Variants in EHMT1 observed in about 807,000 individuals in gnomAD.
EHMT1 encodes euchromatic histone lysine methyltransferase 1.
A neutral mutation model predicts 147.2 loss-of-function variants in EHMT1; 15 were observed. The ratio of observed to expected loss-of-function variants is 0.10; its 90% CI spans 0.07 to 0.16. The LOEUF is 0.16. Ranked by LOEUF, EHMT1 falls within the 10% of genes least tolerant of loss-of-function variation. The pLI, the probability that EHMT1 is intolerant of heterozygous loss-of-function variation, is 1.00. For missense variants in EHMT1, 1,587 were observed against 1,772.4 expected (o/e 0.90, Z 1.88); for synonymous variants, 795 against 709.6 (o/e 1.12, Z -1.91).
intron 1 of EHMT1, among the ~76,000 whole-genome samples, chr9:137,668,196 C>G (rs1939902056): frequency 6.6e-6 from 1 of 152,202 alleles, no homozygotes; most frequent in African/African-American, 2.4e-5. Flanking sequence ...TGGGCGCCAG[C>G]TGTCTACTCC....
At chr9:137,796,966 G>A (rs1237951852) in intron 16 of EHMT1, among the ~76,000 whole-genome samples, 1 of 152,264 alleles carries the variant, frequency 6.6e-6, no homozygotes, top group Non-Finnish European at 1.5e-5. Context: ...CCTCACACCA[G>A]TAGGGTCTGT....
chr9:137,830,693 C>T lies in EHMT1; in HGVS notation c.3541-3656C>T, dbSNP rs979024388. On this transcript the variant is annotated intron_variant, in intron 25 of 26. Transcript: ENST00000460843. ...AAGCTGGGCCCAGTCTTGTGCTTCG[C>T]GGCACCAGAAATGTTGCTTGTGTGA... Among the ~76,000 whole-genome samples the T allele has an allele frequency of 3.4e-4, 51 of 152,176 alleles. 1 individual carries two copies. Among genetic ancestry groups the T allele is most frequent in the African/African-American group, 9.9e-4 (41 of 41,440 alleles).
chr9:137,665,005 A>G (rs1939476448), intron 1 of EHMT1: 1 of 152,166 alleles, frequency 6.6e-6, no homozygotes, highest in Non-Finnish European at 1.5e-5. Context: ...TGGACCACCC[A>G]CTTTGCAACT....
intron 1 of EHMT1, chr9:137,676,590 G>A (rs1439305624): frequency 6.6e-6 from 1 of 152,440 alleles, no homozygotes; most frequent in Non-Finnish European, 1.5e-5. Context: ...TGCCTAGGCA[G>A]ATAAAAAGGA....
chr9:137,703,492 A>G (rs886671321), intron 1 of EHMT1, among the ~76,000 whole-genome samples: 2 of 152,180 alleles, frequency 1.3e-5, no homozygotes, highest in Non-Finnish European at 2.9e-5. Context: ...CTGCTTTGCT[A>G]CTTAGGAATT....
chr9:137,712,196 G>A (rs570972737), intron 2 of EHMT1, among the ~76,000 whole-genome samples: 4 of 152,282 alleles, frequency 2.6e-5, no homozygotes, highest in African/African-American at 9.6e-5. Flanking sequence ...GTGCCCTCCG[G>A]CTCTTCCCCC....
chr9:137,737,278 C>G (rs1947622050), intron 4 of EHMT1, among the ~76,000 whole-genome samples: 1 of 152,146 alleles, frequency 6.6e-6, no homozygotes, highest in African/African-American at 2.4e-5. Context: ...CTATAGTACT[C>G]AAAACAGTGT....
At chr9:137,824,341 G>A (rs890884087) in intron 25 of EHMT1, among the ~76,000 whole-genome samples, 1 of 152,150 alleles carries the variant, frequency 6.6e-6, no homozygotes, top group African/African-American at 2.4e-5. Flanking sequence ...GGAGATCTAC[G>A]TCTGGACCAT....
chr9:137,655,077 C>T (rs1298065804), intron 1 of EHMT1, among the ~76,000 whole-genome samples: 1 of 152,040 alleles, frequency 6.6e-6, no homozygotes, highest in African/African-American at 2.4e-5. Context: ...CGGCTCACTG[C>T]AACCTCCTCC....
chr9:137,821,478 C>A (rs1226367810), intron 25 of EHMT1, among the ~76,000 whole-genome samples: 2 of 151,962 alleles, frequency 1.3e-5, no homozygotes, highest in Admixed American at 6.6e-5. Context: ...CAAGTGTGCA[C>A]TACAATGCCC....
chr9:137,664,684 C>T (rs183409604), intron 1 of EHMT1, among the ~76,000 whole-genome samples: 1 of 151,634 alleles, frequency 6.6e-6, no homozygotes, highest in Admixed American at 6.6e-5. Context: ...GCATTTATTT[C>T]CCTTAGTTTG....
intron 24 of EHMT1, 178 bp from the exon 25 acceptor site, chr9:137,817,882 C>A: frequency 1.5e-6 from 1 of 679,632 alleles, no homozygotes; most frequent in Non-Finnish European, 2.6e-6. Context: ...TATCATCATC[C>A]TCCGGACCCT....
At chr9:137,702,195 TGG>T (rs1221482163) in intron 1 of EHMT1, among the ~76,000 whole-genome samples, 1 of 152,196 alleles carries the variant, frequency 6.6e-6, no homozygotes, top group Non-Finnish European at 1.5e-5. Context: ...CCCAAAGTGC[TGG>T]GTCCTTCTCA....
intron 25 of EHMT1, among the ~76,000 whole-genome samples, chr9:137,824,928 C>T (rs545466894): frequency 3.9e-5 from 6 of 152,244 alleles, no homozygotes; most frequent in Admixed American, 6.5e-5. Flanking sequence ...TTTTTCTTCT[C>T]GCGTTCTGAG....
At chr9:137,798,714 C>A in intron 16 of EHMT1, 99 bp from the exon 17 acceptor site, 1 of 974,006 alleles carries the variant, frequency 1.0e-6, no homozygotes, top group South Asian at 1.3e-5. Context: ...GTACCCCACC[C>A]GCATGGTAGA....
At chr9:137,723,590 G>A (rs1386022815) in intron 3 of EHMT1, among the ~76,000 whole-genome samples, 1 of 151,708 alleles carries the variant, frequency 6.6e-6, no homozygotes, top group African/African-American at 2.4e-5. Context: ...TGAGCTCGGG[G>A]TGTGTCTGTG....
intron 1 of EHMT1, among the ~76,000 whole-genome samples, chr9:137,664,579 TTTAA>T (rs1939432329): frequency 6.6e-6 from 1 of 152,090 alleles, no homozygotes; most frequent in South Asian, 2.1e-4. Flanking sequence ...ATTGACAGAC[TTTAA>T]TTTTTTTTTT....
intron 1 of EHMT1, among the ~76,000 whole-genome samples, chr9:137,659,113 T>G (rs1938794426): frequency 6.6e-6 from 1 of 152,208 alleles, no homozygotes. Context: ...CTAAATACAT[T>G]ATGTTTGTTG....
chr9:137,725,968 CAG>C (rs1255249879), intron 3 of EHMT1, among the ~76,000 whole-genome samples: 2 of 152,188 alleles, frequency 1.3e-5, no homozygotes, highest in African/African-American at 4.8e-5. Context: ...CTGAATCCCT[CAG>C]AGCTGTCTCT....
Sources: gnomAD v4.1 joint callset for allele counts (sites outside exome capture counted in the v4.1 genomes callset) on GRCh38, gnomAD v4.1.1 for gene constraint, MANE v1.5 for transcripts, NCBI Gene and HGNC (gene_info 2026-07-23, HGNC 2026-07-21) for gene names.